The following OSBPL9 variants were observed in gnomAD, a reference collection of about 807,000 sequenced individuals.
The protein encoded by OSBPL9 is oxysterol-binding protein-related protein 9.
Under a neutral mutation model 106.6 loss-of-function variants are expected in OSBPL9, and 40 were observed. The observed-to-expected ratio is 0.38, with a 90% CI of 0.29 to 0.49. The LOEUF (loss-of-function observed/expected upper bound fraction) is 0.49, where lower values mean the gene tolerates loss of function less well. Ranked by LOEUF, OSBPL9 falls within the 20% of genes least tolerant of loss-of-function variation. OSBPL9 has a pLI of 0.97. For missense variants in OSBPL9, 609 were observed against 887.2 expected, an observed-to-expected ratio of 0.69 and a Z score of 3.98; for synonymous variants, 269 against 295.4, an observed-to-expected ratio of 0.91 and a Z score of 0.92.
chr1:51,629,837 T>G (rs927419104), intron 1 of OSBPL9, among the ~76,000 whole-genome samples: 11 of 151,920 alleles, frequency 7.2e-5, no homozygotes, highest in African/African-American at 2.7e-4. Flanking sequence ...TAGTCCCAGC[T>G]ACTTGGGAGG....
At chr1:51,591,526 G>A (rs937063082) in intron 1 of OSBPL9, among the ~76,000 whole-genome samples, 1 of 152,200 alleles carries the variant, frequency 6.6e-6, no homozygotes, top group Non-Finnish European at 1.5e-5. Flanking sequence ...TTGGTATCTT[G>A]CCGGGCACAG....
chr1:51,540,775 A>G, the OSBPL9 span, among the ~76,000 whole-genome samples: 6 of 151,968 alleles, frequency 3.9e-5, no homozygotes, highest in African/African-American at 1.2e-4. Flanking sequence ...CCTGGCCAAC[A>G]TGGTGAAACC....
chr1:51,788,606 TTC>T lies in OSBPL9; in HGVS notation c.*819_*820del, dbSNP rs1481956065. ...TTCTTTTCCTCTGTCAGATTGTATG[TTC>T]TGTCTTTAGCCCCTGCCAGGCAATT... On this transcript the variant is annotated 3_prime_UTR_variant, in exon 24 of 24. Coordinates refer to ENST00000428468, the MANE Select transcript of OSBPL9 (RefSeq NM_024586.6). 1 of 152,490 alleles carries T rather than the reference TTC, an allele frequency of 6.6e-6. No individual in the cohort carries two copies. The highest frequency in any genetic ancestry group is 1.5e-5 in the Non-Finnish European group (1 of 68,250). 9.4% of individuals were successfully genotyped at this position (152,490 alleles called of 1,614,324 possible). A position where few individuals can be genotyped will look rare whatever the true frequency, so the allele number is the denominator to read the frequency against.
At position 51,631,200 on chromosome 1, in the gene OSBPL9, G is replaced by T. The variant is rs766966829; in HGVS notation, c.111+13979G>T. Among the ~76,000 whole-genome samples, 49 of 152,100 alleles carry T rather than the reference G, an allele frequency of 3.2e-4. 1 individual carries two copies. Among genetic ancestry groups the T allele is most frequent in the Non-Finnish European group, 1.5e-4 (10 of 68,022 alleles). On this transcript the variant is annotated intron_variant, in intron 1 of 23. Transcript: ENST00000428468. ...CAGGAGCAGCTGGCATGTCCATGTG[G>T]GAGCCATCAGTTGTCAGACATGCAA... is the stretch of plus-strand genomic sequence containing the variant.
chr1:51,714,534 A>G (rs1227924370), intron 4 of OSBPL9, among the ~76,000 whole-genome samples: 2 of 152,242 alleles, frequency 1.3e-5, no homozygotes, highest in Non-Finnish European at 1.5e-5. Context: ...AAACTGATTC[A>G]TGAAGAAGAA....
At chr1:51,566,847 G>T in the OSBPL9 span, among the ~76,000 whole-genome samples, 2 of 152,160 alleles carry the variant, frequency 1.3e-5, no homozygotes, top group Admixed American at 6.5e-5. Flanking sequence ...TATATGATTT[G>T]TCTGTTGTGT....
At chr1:51,638,303 G>T (rs1645577957) in intron 1 of OSBPL9, among the ~76,000 whole-genome samples, 1 of 152,180 alleles carries the variant, frequency 6.6e-6, no homozygotes, top group African/African-American at 2.4e-5. Flanking sequence ...GTGAGTCTGT[G>T]ACTACTCAAG....
the OSBPL9 span, among the ~76,000 whole-genome samples, chr1:51,558,667 T>TA: frequency 5.3e-5 from 8 of 152,126 alleles, no homozygotes; most frequent in East Asian, 1.5e-3. Flanking sequence ...AAGCTATCCT[T>TA]AAAAAAATCC....
chr1:51,610,553 A>G (rs1643980759), intron 2 of OSBPL9, among the ~76,000 whole-genome samples: 1 of 152,216 alleles, frequency 6.6e-6, no homozygotes, highest in Admixed American at 6.5e-5. Context: ...CAGTATTGTT[A>G]TATTGGAGAT....
chr1:51,603,862 G>T (rs188908900), intron 2 of OSBPL9, among the ~76,000 whole-genome samples: 16 of 152,174 alleles, frequency 1.1e-4, no homozygotes, highest in African/African-American at 3.4e-4. Flanking sequence ...AGTGAAGATA[G>T]TCAATAATGT....
intron 15 of OSBPL9, among the ~76,000 whole-genome samples, chr1:51,778,189 G>A (rs1675510265): frequency 6.6e-6 from 1 of 152,052 alleles, no homozygotes; most frequent in South Asian, 2.1e-4. Context: ...AAAGCCAGTA[G>A]ATAAGATTAA....
chr1:51,695,257 G>A (rs530916295), intron 3 of OSBPL9, among the ~76,000 whole-genome samples: 2 of 152,268 alleles, frequency 1.3e-5, no homozygotes, highest in South Asian at 4.1e-4. Flanking sequence ...AGAATTTAGT[G>A]ACTACCAGTT....
chr1:51,734,421 A>G (rs991324331), intron 4 of OSBPL9, among the ~76,000 whole-genome samples: 2 of 152,184 alleles, frequency 1.3e-5, no homozygotes, highest in African/African-American at 4.8e-5. Flanking sequence ...TTGTGTTTTG[A>G]CATATTTTGT....
At chr1:51,649,531 T>G (rs548571402) in intron 1 of OSBPL9, among the ~76,000 whole-genome samples, 5 of 152,336 alleles carry the variant, frequency 3.3e-5, no homozygotes, top group African/African-American at 4.8e-5. Flanking sequence ...TTTCCTTGTC[T>G]TGGAATGGCC....
chr1:51,629,100 C>G (rs906160188), intron 1 of OSBPL9, among the ~76,000 whole-genome samples: 7 of 152,140 alleles, frequency 4.6e-5, no homozygotes, highest in African/African-American at 1.7e-4. Context: ...TGGTTGATTA[C>G]TTCTTATACA....
rs754933198 is a variant in OSBPL9 at position 51,765,879 on chromosome 1, C to A, written c.836C>A (p.Ser279Tyr). 6.2e-7 allele frequency: 1 copy of A among 1,614,066 alleles called. No individual in the cohort carries two copies. Residue 279 changes from serine (S) to tyrosine (Y), a missense_variant, in exon 12 of 24, where the codon TCT becomes TAT. Ser to Tyr is a moderately radical substitution (Grantham distance 144). Around this residue, in one of 5 missense-constraint regions of OSBPL9, gnomAD observed 356 missense variants for 505.8 expected, o/e 0.70. Transcript: ENST00000428468. ...ACTTCTCCAAGCCACGTGAACTTGT[C>A]TCCAAATACAGTCCCAGAGTTCTCT... The part of the protein sequence containing the change: ...SLTSPSHVNL[S>Y]PNTVPEFSYS...
the OSBPL9 span, among the ~76,000 whole-genome samples, chr1:51,524,022 T>C: frequency 3.3e-5 from 5 of 152,302 alleles, no homozygotes; most frequent in African/African-American, 1.2e-4. Flanking sequence ...ATATAGATGG[T>C]GCTAAACTGT....
chr1:51,675,913 A>G (rs1292978984), intron 3 of OSBPL9, among the ~76,000 whole-genome samples: 1 of 152,186 alleles, frequency 6.6e-6, no homozygotes, highest in African/African-American at 2.4e-5. Flanking sequence ...TTAACTGAAT[A>G]GTGCCTACCA....
Position 51,786,622 on chromosome 1 carries a change from GC to G in OSBPL9, c.2000+7del, listed in dbSNP as rs780439868. 6 of 1,607,480 alleles carry G rather than the reference GC, an allele frequency of 3.7e-6. No individual in the cohort carries two copies. In the African/African-American group the frequency reaches 6.7e-5, roughly 18 times the overall value. On this transcript the variant is annotated splice_donor_region_variant and intron_variant, in intron 22 of 23. Transcript: ENST00000428468. ...GAACGAGTATGAATCCCGCAGGTAA[GC>G]CGACATTGTTAAGTGGAACTATTGC...
Sources: allele counts gnomAD v4.1 joint callset (sites outside exome capture counted in the v4.1 genomes callset), GRCh38; gene constraint gnomAD v4.1.1; regional missense constraint gnomAD v4.1.1; transcripts MANE v1.5; gene names NCBI Gene and HGNC (gene_info 2026-07-23, HGNC 2026-07-21).